Variants in GLIS3 observed in about 807,000 individuals in gnomAD.
The protein encoded by GLIS3 is zinc finger protein GLIS3.
Under a neutral mutation model 78.6 loss-of-function variants are expected in GLIS3, and 53 were observed. The observed-to-expected ratio is 0.67, with a 90% CI of 0.54 to 0.85. The LOEUF (loss-of-function observed/expected upper bound fraction) is 0.85, where lower values mean the gene tolerates loss of function less well. Ranked by LOEUF, GLIS3 falls within the 40% of genes least tolerant of loss-of-function variation. The pLI is 0.00. For synonymous variants in GLIS3, 684 were observed against 509.9 expected, an observed-to-expected ratio of 1.34 and a Z score of -4.60; for missense variants, 1,703 against 1,231.1, an observed-to-expected ratio of 1.38 and a Z score of -5.74.
intron 4 of GLIS3, among the ~76,000 whole-genome samples, chr9:3,997,680 A>G (rs1033792783): frequency 1.3e-5 from 2 of 152,100 alleles, no homozygotes; most frequent in African/African-American, 4.8e-5. Flanking sequence ...CAGGAATAAA[A>G]AAAAATAGCA....
chr9:3,998,073 A>G (rs76538158), intron 4 of GLIS3, among the ~76,000 whole-genome samples: 1 of 152,056 alleles, frequency 6.6e-6, no homozygotes, highest in Admixed American at 6.6e-5. Flanking sequence ...GCCTTACATG[A>G]CTGTGGAAAT....
intron 4 of GLIS3, among the ~76,000 whole-genome samples, chr9:4,015,124 TTAGA>T (rs775941510): frequency 4.6e-5 from 7 of 152,114 alleles, no homozygotes; most frequent in Non-Finnish European, 1.0e-4. Context: ...AACCTGAGGA[TTAGA>T]TAAAGTGTCC....
chr9:4,197,844 A>T (rs1031631315), intron 2 of GLIS3, among the ~76,000 whole-genome samples: 1 of 152,114 alleles, frequency 6.6e-6, no homozygotes, highest in Non-Finnish European at 1.5e-5. Flanking sequence ...CCTGCCAACC[A>T]AAGTGCACAG....
chr9:4,150,296 C>T (rs1448205846), intron 2 of GLIS3, among the ~76,000 whole-genome samples: 1 of 152,174 alleles, frequency 6.6e-6, no homozygotes, highest in African/African-American at 2.4e-5. Context: ...AAGCAGAGTC[C>T]AACCAGCCAC....
chr9:4,285,938 C>G, intron 2 of GLIS3, 100 bp downstream of exon 2: 3 of 1,400,372 alleles, frequency 2.1e-6, no homozygotes, highest in South Asian at 1.2e-5. Flanking sequence ...GACCCTGACA[C>G]TGAATCATGT....
upstream of GLIS3, among the ~76,000 whole-genome samples, chr9:4,350,887 C>A (rs185872544): frequency 3.9e-3 from 599 of 152,286 alleles, 2 homozygotes; most frequent in African/African-American, 0.013. Context: ...AGTACCAGAA[C>A]CAGCTACGTA....
chr9:4,434,487 T>C, the GLIS3 span, among the ~76,000 whole-genome samples: 3 of 152,108 alleles, frequency 2.0e-5, no homozygotes, highest in Non-Finnish European at 4.4e-5. Context: ...TTGGGGAGAA[T>C]GAGAAAATAG....
chr9:4,260,644 G>A (rs1825433189), intron 2 of GLIS3, among the ~76,000 whole-genome samples: 1 of 151,988 alleles, frequency 6.6e-6, no homozygotes, highest in South Asian at 2.1e-4. Flanking sequence ...TACTCAGGAG[G>A]CTGAGGCACA....
intron 2 of GLIS3, among the ~76,000 whole-genome samples, chr9:4,332,222 A>T (rs1400063104): frequency 6.6e-6 from 1 of 152,210 alleles, no homozygotes; most frequent in East Asian, 1.9e-4. Flanking sequence ...TAGGATCAAC[A>T]CACTGACCCT....
chr9:3,881,028 T>C (rs185853487), intron 7 of GLIS3, among the ~76,000 whole-genome samples: 1 of 152,336 alleles, frequency 6.6e-6, no homozygotes, highest in East Asian at 1.9e-4. Flanking sequence ...ACAAGTTGCA[T>C]ATTTGCAAAC....
chr9:4,272,370 G>C (rs1322639360), intron 2 of GLIS3, among the ~76,000 whole-genome samples: 1 of 152,082 alleles, frequency 6.6e-6, no homozygotes, highest in Non-Finnish European at 1.5e-5. Context: ...CAATTGCCAA[G>C]AACCTAACCT....
intron 4 of GLIS3, among the ~76,000 whole-genome samples, chr9:3,965,136 G>A (rs1165166601): frequency 1.3e-5 from 2 of 148,438 alleles, no homozygotes; most frequent in Non-Finnish European, 3.0e-5. Flanking sequence ...ACAGGAGGCT[G>A]TCAAACAATA....
chr9:4,036,655 A>T (rs965075962), intron 4 of GLIS3, among the ~76,000 whole-genome samples: 2 of 152,186 alleles, frequency 1.3e-5, no homozygotes, highest in African/African-American at 4.8e-5. Flanking sequence ...TCACCTACTA[A>T]ATAGGTGCCC....
chr9:3,873,082 G>C (rs912062376), intron 8 of GLIS3, among the ~76,000 whole-genome samples: 3 of 151,964 alleles, frequency 2.0e-5, no homozygotes, highest in Non-Finnish European at 4.4e-5. Context: ...TAATGAGATG[G>C]AATCAGTATT....
At chr9:4,358,777 A>T in the GLIS3 span, among the ~76,000 whole-genome samples, 3 of 152,344 alleles carry the variant, frequency 2.0e-5, no homozygotes, top group African/African-American at 7.2e-5. Flanking sequence ...TCTGACTGGC[A>T]TTCAACAGAT....
chr9:4,216,184 G>C (rs1820810586), intron 2 of GLIS3, among the ~76,000 whole-genome samples: 1 of 152,018 alleles, frequency 6.6e-6, no homozygotes, highest in African/African-American at 2.4e-5. Context: ...AAGAAAATGT[G>C]GGTTGAGGCC....
chr9:4,260,207 C>T lies in GLIS3; in HGVS notation c.388+25831G>A, dbSNP rs1005718012. On this transcript the variant is annotated intron_variant, in intron 2 of 10. Coordinates refer to ENST00000381971, the MANE Select transcript of GLIS3 (RefSeq NM_001042413.2). ...TAGCACTTTGGGAGGCCGAGGCAGG[C>T]GGATCACAAGGTCAAGAGATTGAGA... Among the ~76,000 whole-genome samples, 7 of 152,068 alleles carry T rather than the reference C, an allele frequency of 4.6e-5. 1 individual carries two copies. The highest frequency in any genetic ancestry group is 6.8e-3 in the Middle Eastern group (2 of 294).
chr9:4,046,571 A>C (rs1411009614), intron 4 of GLIS3, among the ~76,000 whole-genome samples: 1 of 152,186 alleles, frequency 6.6e-6, no homozygotes, highest in Non-Finnish European at 1.5e-5. Flanking sequence ...AGCTAATACG[A>C]TAAGTTGTAC....
chr9:4,400,631 C>T, the GLIS3 span, among the ~76,000 whole-genome samples: 1 of 152,220 alleles, frequency 6.6e-6, no homozygotes, highest in African/African-American at 2.4e-5. Context: ...CCTTACTTCT[C>T]TTACACAAAA....
Sources: allele counts gnomAD v4.1 joint callset (sites outside exome capture counted in the v4.1 genomes callset), GRCh38; gene constraint gnomAD v4.1.1; transcripts MANE v1.5; gene names NCBI Gene and HGNC (gene_info 2026-07-23, HGNC 2026-07-21).